Variants in SPMIP2 observed in about 807,000 individuals in gnomAD.
SPMIP2 encodes the protein sperm microtubule inner protein 2, also known as protein SPMIP2.
the SPMIP2 span, among the ~76,000 whole-genome samples, chr4:159,069,186 T>C: frequency 6.6e-6 from 1 of 152,050 alleles, no homozygotes; most frequent in East Asian, 2.0e-4. Context: ...GCCTGTAGTC[T>C]CAGCTACTCG....
the SPMIP2 span, among the ~76,000 whole-genome samples, chr4:158,934,766 TCTC>T: frequency 6.6e-6 from 1 of 152,090 alleles, no homozygotes; most frequent in Non-Finnish European, 1.5e-5. Context: ...CATTTTTACT[TCTC>T]CTCCATCCCT....
the SPMIP2 span, among the ~76,000 whole-genome samples, chr4:159,014,866 T>C: frequency 6.6e-6 from 1 of 152,260 alleles, no homozygotes; most frequent in African/African-American, 2.4e-5. Context: ...AGCTTACAAA[T>C]TTGTGTTGGG....
the SPMIP2 span, among the ~76,000 whole-genome samples, chr4:159,061,001 C>T: frequency 3.3e-5 from 5 of 151,534 alleles, no homozygotes; most frequent in Non-Finnish European, 7.4e-5. Flanking sequence ...GGGAGGATCA[C>T]CTGAGTTCAG....
At chr4:159,018,567 C>G in the SPMIP2 span, among the ~76,000 whole-genome samples, 1 of 152,170 alleles carries the variant, frequency 6.6e-6, no homozygotes, top group East Asian at 1.9e-4. Context: ...CAGCTTATCA[C>G]TGAACAAGGC....
the SPMIP2 span, among the ~76,000 whole-genome samples, chr4:158,957,392 T>C: frequency 6.6e-6 from 1 of 152,080 alleles, no homozygotes; most frequent in Non-Finnish European, 1.5e-5. Flanking sequence ...GCCTGGCTCA[T>C]GCTTTTCTCT....
At chr4:158,992,366 T>G in the SPMIP2 span, among the ~76,000 whole-genome samples, 2 of 152,204 alleles carry the variant, frequency 1.3e-5, no homozygotes, top group African/African-American at 4.8e-5. Context: ...TGATAAGACT[T>G]ATGGTAAATA....
the SPMIP2 span, among the ~76,000 whole-genome samples, chr4:159,022,412 T>C: frequency 3.3e-4 from 50 of 152,220 alleles, no homozygotes; most frequent in Non-Finnish European, 6.9e-4. Context: ...TCTTCTGATC[T>C]TCCTACTAAA....
the SPMIP2 span, among the ~76,000 whole-genome samples, chr4:158,904,157 T>C: frequency 1.3e-5 from 2 of 152,178 alleles, no homozygotes; most frequent in Non-Finnish European, 2.9e-5. Context: ...TGAAGTTATA[T>C]AGGGAATACA....
the SPMIP2 span, among the ~76,000 whole-genome samples, chr4:159,002,120 T>C: frequency 6.6e-6 from 1 of 152,224 alleles, no homozygotes; most frequent in Non-Finnish European, 1.5e-5. Context: ...CACATGTATG[T>C]CTTCTTTAGA....
At chr4:158,982,364 C>T in the SPMIP2 span, among the ~76,000 whole-genome samples, 6 of 152,132 alleles carry the variant, frequency 3.9e-5, no homozygotes, top group Admixed American at 1.3e-4. Context: ...CGGCTCTGGA[C>T]GAAGCAGACC....
the SPMIP2 span, among the ~76,000 whole-genome samples, chr4:159,071,058 C>T: frequency 3.3e-5 from 5 of 152,270 alleles, no homozygotes; most frequent in East Asian, 9.6e-4. Context: ...CAAGAAACAT[C>T]TTTGTCTCTG....
At chr4:158,977,268 CA>C in the SPMIP2 span, among the ~76,000 whole-genome samples, 1 of 152,164 alleles carries the variant, frequency 6.6e-6, no homozygotes, top group Non-Finnish European at 1.5e-5. Flanking sequence ...ACCTCAATTT[CA>C]GAACTTGTTA....
chr4:158,997,249 A>ATTTT, the SPMIP2 span, among the ~76,000 whole-genome samples: 4 of 127,816 alleles, frequency 3.1e-5, no homozygotes, highest in East Asian at 2.2e-4. Context: ...TTTTTTTTTG[A>ATTTT]GATGAAGCTT....
the SPMIP2 span, among the ~76,000 whole-genome samples, chr4:158,977,957 G>T: frequency 6.6e-6 from 1 of 152,106 alleles, no homozygotes; most frequent in Admixed American, 6.6e-5. Context: ...CTTGTCTTCT[G>T]CTAGCTTTTG....
chr4:158,959,527 A>T, the SPMIP2 span, among the ~76,000 whole-genome samples: 6 of 152,098 alleles, frequency 3.9e-5, no homozygotes, highest in Admixed American at 3.9e-4. Context: ...GGTATAGTAT[A>T]GCCACCTCAG....
the SPMIP2 span, among the ~76,000 whole-genome samples, chr4:159,057,309 CTGATA>C: frequency 1.3e-5 from 2 of 152,224 alleles, no homozygotes; most frequent in Non-Finnish European, 2.9e-5. Context: ...AACTGATCAT[CTGATA>C]TAACACTTTA....
chr4:159,072,451 CTTTTTTTTTT>C, the SPMIP2 span, among the ~76,000 whole-genome samples: 42 of 69,140 alleles, frequency 6.1e-4, no homozygotes, highest in African/African-American at 2.6e-3. Context: ...CTTATGAATT[CTTTTTTTTTT>C]TTTTTTTTTT....
the SPMIP2 span, among the ~76,000 whole-genome samples, chr4:158,909,825 G>A: frequency 1.3e-5 from 2 of 152,088 alleles, no homozygotes; most frequent in African/African-American, 4.8e-5. Context: ...GGCAGATCAC[G>A]AGGTCAGGAG....
the SPMIP2 span, among the ~76,000 whole-genome samples, chr4:158,989,321 T>C: frequency 6.6e-6 from 1 of 152,178 alleles, no homozygotes; most frequent in Non-Finnish European, 1.5e-5. Context: ...AAGTAATTTA[T>C]ACATTCAACA....
Sources: allele counts gnomAD v4.1 joint callset (sites outside exome capture counted in the v4.1 genomes callset), GRCh38; gene constraint gnomAD v4.1.1; transcripts MANE v1.5; gene names NCBI Gene and HGNC (gene_info 2026-07-23, HGNC 2026-07-21).